IL1RAPL2: variants seen among roughly 807,000 people sequenced by gnomAD.
IL1RAPL2 encodes X-linked interleukin-1 receptor accessory protein-like 2.
IL1RAPL2 carries 3 observed loss-of-function variants against 44.1 expected under a neutral mutation model. The ratio of observed to expected loss-of-function variants is 0.07; its 90% CI spans 0.03 to 0.18. IL1RAPL2 has a LOEUF of 0.18. IL1RAPL2 is among the 10% of genes least tolerant of loss of function. The probability of loss-of-function intolerance (pLI) is 1.00; values close to 1 mark genes in which losing one functional copy is unlikely to be tolerated. For synonymous variants in IL1RAPL2, 181 were observed against 178.8 expected (o/e 1.01, Z -0.10); for missense variants, 391 against 496.4 (o/e 0.79, Z 2.02).
chrX:104,602,794 C>A (rs894126730), intron 1 of IL1RAPL2, among the ~76,000 whole-genome samples: 8 of 111,318 alleles, frequency 7.2e-5, no homozygotes, highest in African/African-American at 2.3e-4. Context: ...CTACTCTGGG[C>A]AGGCATCTCT....
intron 2 of IL1RAPL2, among the ~76,000 whole-genome samples, chrX:105,085,841 G>A (rs1358846485): frequency 8.9e-6 from 1 of 111,883 alleles, no homozygotes; most frequent in African/African-American, 3.2e-5. Context: ...TATGTTATAT[G>A]TGTTATTTAG....
At chrX:104,586,548 C>G (rs761386501) in intron 1 of IL1RAPL2, among the ~76,000 whole-genome samples, 13 of 111,674 alleles carry the variant, frequency 1.2e-4, no homozygotes, top group Non-Finnish European at 2.1e-4. Context: ...CCACCCAGCT[C>G]TTAAATAATT....
At chrX:105,353,792 G>A (rs1380273423) in intron 5 of IL1RAPL2, among the ~76,000 whole-genome samples, 1 of 111,567 alleles carries the variant, frequency 9.0e-6, no homozygotes. Flanking sequence ...TGTATCCTGA[G>A]ACTTTACTGA....
At chrX:104,916,290 T>C (rs1166288333) in intron 2 of IL1RAPL2, among the ~76,000 whole-genome samples, 1 of 111,851 alleles carries the variant, frequency 8.9e-6, no homozygotes, top group Non-Finnish European at 1.9e-5. Context: ...TTCCCATCCC[T>C]TGTAAGTTGG....
chrX:104,862,708 C>T (rs951957861), intron 2 of IL1RAPL2, among the ~76,000 whole-genome samples: 12 of 111,505 alleles, frequency 1.1e-4, no homozygotes, highest in Non-Finnish European at 1.9e-4. Context: ...TAATATAGTT[C>T]CAAACTTTAT....
chrX:105,608,475 A>G (rs193180036), intron 6 of IL1RAPL2, among the ~76,000 whole-genome samples: 1 of 112,283 alleles, frequency 8.9e-6, no homozygotes, highest in African/African-American at 3.2e-5. Context: ...AAACCTAGGC[A>G]GAAATTAAAT....
intron 1 of IL1RAPL2, among the ~76,000 whole-genome samples, chrX:104,590,855 A>G (rs1483741201): frequency 1.8e-5 from 2 of 112,210 alleles, no homozygotes; most frequent in Non-Finnish European, 3.8e-5. Context: ...ATCACAATCT[A>G]TGAGATGATT....
At chrX:104,936,058 C>G (rs1276472993) in intron 2 of IL1RAPL2, among the ~76,000 whole-genome samples, 1 of 111,914 alleles carries the variant, frequency 8.9e-6, no homozygotes, top group Non-Finnish European at 1.9e-5. Flanking sequence ...CCATTGAAAG[C>G]ATATTCTACA....
intron 3 of IL1RAPL2, among the ~76,000 whole-genome samples, chrX:105,213,115 A>G (rs2033822102): frequency 9.0e-6 from 1 of 110,760 alleles, no homozygotes; most frequent in African/African-American, 3.3e-5. Flanking sequence ...ACAAAACTGG[A>G]TGGAGAATGA....
chrX:104,899,547 A>G (rs1214087146), intron 2 of IL1RAPL2, among the ~76,000 whole-genome samples: 1 of 111,758 alleles, frequency 8.9e-6, no homozygotes, highest in African/African-American at 3.3e-5. Context: ...AACATTTCAG[A>G]TACCAACTGG....
intron 2 of IL1RAPL2, among the ~76,000 whole-genome samples, chrX:105,083,035 A>C (rs1275765375): frequency 9.0e-6 from 1 of 111,593 alleles, no homozygotes; most frequent in Non-Finnish European, 1.9e-5. Context: ...AACCCAATGC[A>C]AGGAAGCTAA....
chrX:105,568,486 A>T (rs2036991192), intron 6 of IL1RAPL2, among the ~76,000 whole-genome samples: 1 of 112,141 alleles, frequency 8.9e-6, no homozygotes, highest in Admixed American at 9.5e-5. Context: ...GAGGTAACGG[A>T]AAGCACCCCT....
chrX:104,862,503 C>T (rs189280502), intron 2 of IL1RAPL2, among the ~76,000 whole-genome samples: 1 of 110,351 alleles, frequency 9.1e-6, no homozygotes, highest in Non-Finnish European at 1.9e-5. Flanking sequence ...ACGCAGAAGA[C>T]CATGTGAAAA....
intron 2 of IL1RAPL2, among the ~76,000 whole-genome samples, chrX:104,933,248 C>T (rs5963004): frequency 0.057 from 6,233 of 110,226 alleles, 452 homozygotes; most frequent in African/African-American, 0.2. Flanking sequence ...TGCGCATGTA[C>T]CCTAGAACTT....
intron 6 of IL1RAPL2, among the ~76,000 whole-genome samples, chrX:105,489,791 C>CTCTT (rs2036300872): frequency 4.3e-5 from 3 of 70,004 alleles, no homozygotes; most frequent in African/African-American, 2.5e-4. Context: ...CTCTCTTTCT[C>CTCTT]TCTCTCTCTC....
intron 7 of IL1RAPL2, among the ~76,000 whole-genome samples, chrX:105,733,698 T>G (rs2038423839): frequency 9.0e-6 from 1 of 111,102 alleles, no homozygotes; most frequent in East Asian, 2.8e-4. Context: ...TCTGGTTACC[T>G]TACTAATTTG....
intron 5 of IL1RAPL2, among the ~76,000 whole-genome samples, chrX:105,351,586 C>T (rs746802941): frequency 4.5e-5 from 5 of 110,054 alleles, no homozygotes; most frequent in Non-Finnish European, 9.5e-5. Context: ...AAAATGAGAA[C>T]ACATGGACAC....
intron 2 of IL1RAPL2, among the ~76,000 whole-genome samples, chrX:104,801,854 A>G (rs1932887064): frequency 9.0e-6 from 1 of 111,662 alleles, no homozygotes; most frequent in Admixed American, 9.5e-5. Context: ...TATCTCTATA[A>G]CCATTTAAAA....
chrX:105,355,775 A>G (rs2035197454), intron 5 of IL1RAPL2, among the ~76,000 whole-genome samples: 1 of 111,648 alleles, frequency 9.0e-6, no homozygotes, highest in Non-Finnish European at 1.9e-5. Flanking sequence ...GTCTTTTATA[A>G]TTACTACCAT....
Sources: gnomAD v4.1 joint callset for allele counts (sites outside exome capture counted in the v4.1 genomes callset) on GRCh38, gnomAD v4.1.1 for gene constraint, MANE v1.5 for transcripts, NCBI Gene and HGNC (gene_info 2026-07-23, HGNC 2026-07-21) for gene names.